The following TSPAN7 variants were observed in gnomAD, a reference collection of about 807,000 sequenced individuals.
The protein encoded by TSPAN7 is tetraspanin 7.
TSPAN7 carries 1 observed loss-of-function variant against 17.6 expected under a neutral mutation model. The ratio of observed to expected loss-of-function variants is 0.06; its 90% CI spans 0.02 to 0.27. TSPAN7 has a LOEUF of 0.27. Ranked by LOEUF, TSPAN7 falls within the 10% of genes least tolerant of loss-of-function variation. The pLI is 1.00. For synonymous variants in TSPAN7, 78 were observed against 79.0 expected (o/e 0.99, Z 0.07); for missense variants, 112 against 201.7 (o/e 0.56, Z 2.69).
At chrX:38,590,449 T>G (rs1320253475) in intron 1 of TSPAN7, among the ~76,000 whole-genome samples, 1 of 112,334 alleles carries the variant, frequency 8.9e-6, no homozygotes, top group Non-Finnish European at 1.9e-5. Context: ...AATTGGTAAG[T>G]GTTCCTTTTT....
chrX:38,616,133 T>C (rs1157848074), intron 1 of TSPAN7, among the ~76,000 whole-genome samples: 1 of 112,475 alleles, frequency 8.9e-6, no homozygotes, highest in African/African-American at 3.2e-5. Context: ...GTTCTGATCA[T>C]AGTCATAGCC....
At chrX:38,617,572 A>G (rs1323502625) in intron 1 of TSPAN7, among the ~76,000 whole-genome samples, 1 of 112,261 alleles carries the variant, frequency 8.9e-6, no homozygotes, top group Non-Finnish European at 1.9e-5. Flanking sequence ...TAGACAATAC[A>G]GAGTTTTGCA....
At chrX:38,601,810 A>G (rs1322045276) in intron 1 of TSPAN7, among the ~76,000 whole-genome samples, 1 of 111,836 alleles carries the variant, frequency 8.9e-6, no homozygotes, top group Admixed American at 9.5e-5. Flanking sequence ...TCTGTTCCAC[A>G]TGGTGTCATC....
intron 1 of TSPAN7, among the ~76,000 whole-genome samples, chrX:38,603,853 T>G (rs927258635): frequency 9.2e-6 from 1 of 108,957 alleles, no homozygotes; most frequent in African/African-American, 3.3e-5. Flanking sequence ...GTATTTTTAT[T>G]TATTTATTTA....
At chrX:38,663,439 A>G (rs1164892231) in intron 1 of TSPAN7, among the ~76,000 whole-genome samples, 2 of 112,093 alleles carry the variant, frequency 1.8e-5, no homozygotes, top group Non-Finnish European at 3.8e-5. Context: ...AAGACTACAC[A>G]TTGGGTACAG....
At chrX:38,574,691 G>A (rs1437374431) in intron 1 of TSPAN7, among the ~76,000 whole-genome samples, 17 of 111,163 alleles carry the variant, frequency 1.5e-4, no homozygotes, top group African/African-American at 2.0e-4. Context: ...ATTTGGGGGA[G>A]GGGGAGGAGA....
At chrX:38,570,801 A>G (rs1026800905) in intron 1 of TSPAN7, 3 of 111,804 alleles carry the variant, frequency 2.7e-5, no homozygotes, top group African/African-American at 9.7e-5. Context: ...TCCCCTTGCC[A>G]TGACAGAATG....
intron 1 of TSPAN7, among the ~76,000 whole-genome samples, chrX:38,622,112 G>C (rs1407444717): frequency 8.9e-6 from 1 of 112,376 alleles, no homozygotes; most frequent in East Asian, 2.8e-4. Flanking sequence ...CCACGCCTTG[G>C]CCAGACCCCA....
intron 1 of TSPAN7, among the ~76,000 whole-genome samples, chrX:38,661,390 A>T (rs767720685): frequency 8.9e-6 from 1 of 112,475 alleles, no homozygotes; most frequent in East Asian, 2.8e-4. Flanking sequence ...TTATAGCTTT[A>T]CTCTGTCTCA....
chrX:38,687,406 G>C (rs967454607), intron 6 of TSPAN7, among the ~76,000 whole-genome samples, 193 bp from the exon 7 acceptor site: 1 of 111,408 alleles, frequency 9.0e-6, no homozygotes, highest in Non-Finnish European at 1.9e-5. Context: ...TTGAAATCTG[G>C]TTTTATCTTT....
intron 1 of TSPAN7, among the ~76,000 whole-genome samples, chrX:38,663,223 A>C (rs370993003): frequency 9.0e-6 from 1 of 111,300 alleles, no homozygotes; most frequent in East Asian, 2.8e-4. Flanking sequence ...CTAAGCCATA[A>C]AAAGGAATGA....
chrX:38,598,924 G>A (rs1284580226), intron 1 of TSPAN7, among the ~76,000 whole-genome samples: 1 of 112,020 alleles, frequency 8.9e-6, no homozygotes, highest in African/African-American at 3.2e-5. Context: ...ACATTTGTCT[G>A]CTTAAGAAGT....
At chrX:38,605,859 T>A (rs755704008) in intron 1 of TSPAN7, among the ~76,000 whole-genome samples, 1 of 108,437 alleles carries the variant, frequency 9.2e-6, no homozygotes, top group Non-Finnish European at 1.9e-5. Context: ...GCTAGCCATA[T>A]GTAGAAAGCT....
intron 1 of TSPAN7, among the ~76,000 whole-genome samples, chrX:38,605,261 C>T (rs768013939): frequency 0.016 from 1,789 of 110,723 alleles, 36 homozygotes; most frequent in African/African-American, 0.056. Context: ...TCTTATACAC[C>T]GATAACAGAC....
At chrX:38,569,458 A>G (rs2069158747) in intron 1 of TSPAN7, among the ~76,000 whole-genome samples, 2 of 92,205 alleles carry the variant, frequency 2.2e-5, no homozygotes, top group Non-Finnish European at 4.3e-5. Flanking sequence ...AACCTATAGT[A>G]GAATGAGTAG....
chrX:38,605,846 C>T (rs1296329213), intron 1 of TSPAN7, among the ~76,000 whole-genome samples: 1 of 109,143 alleles, frequency 9.2e-6, no homozygotes, highest in Non-Finnish European at 1.9e-5. Flanking sequence ...GCTGGGAAAA[C>T]TGGCTAGCCA....
chrX:38,680,732 A>C (rs2069885082), intron 5 of TSPAN7, among the ~76,000 whole-genome samples: 1 of 111,656 alleles, frequency 9.0e-6, no homozygotes, highest in East Asian at 2.8e-4. Flanking sequence ...TCAAGATTTC[A>C]TCATTCATTG....
chrX:38,594,427 T>C (rs1171580321), intron 1 of TSPAN7, among the ~76,000 whole-genome samples: 1 of 111,676 alleles, frequency 9.0e-6, no homozygotes, highest in African/African-American at 3.2e-5. Context: ...ACATTAAACA[T>C]GACAATGCTT....
chrX:38,614,902 G>A (rs932841260), intron 1 of TSPAN7, among the ~76,000 whole-genome samples: 1 of 111,870 alleles, frequency 8.9e-6, no homozygotes, highest in Non-Finnish European at 1.9e-5. Flanking sequence ...CCTATTGAGA[G>A]TTTTGCTTTT....
Sources: gnomAD v4.1 joint callset for allele counts (sites outside exome capture counted in the v4.1 genomes callset) on GRCh38, gnomAD v4.1.1 for gene constraint, MANE v1.5 for transcripts, NCBI Gene and HGNC (gene_info 2026-07-23, HGNC 2026-07-21) for gene names.